NADK: variants seen among roughly 807,000 people sequenced by gnomAD.
NADK encodes poly(P)/ATP NAD kinase.
A neutral mutation model predicts 49.8 loss-of-function variants in NADK; 22 were observed. The ratio of observed to expected loss-of-function variants is 0.44; its 90% CI spans 0.32 to 0.63. The LOEUF (loss-of-function observed/expected upper bound fraction) is 0.63, where lower values mean the gene tolerates loss of function less well. Among genes scored for constraint, NADK ranks in the 30% least tolerant of loss-of-function variants. NADK has a pLI of 0.06. For missense variants in NADK, 438 were observed against 609.4 expected (o/e 0.72, Z 2.96); for synonymous variants, 268 against 253.7 (o/e 1.06, Z -0.54).
chr1:1,765,090 C>T (rs1283825090), intron 2 of NADK, 138 bp downstream of exon 2: 7 of 848,912 alleles, frequency 8.2e-6, no homozygotes, highest in Non-Finnish European at 1.2e-5. Context: ...GGCACAGCTT[C>T]ACCTGGGCAA....
chr1:1,754,833 T>C lies in NADK; in HGVS notation c.689-135A>G. ...GACACACTTCTGTGCCTTTTTCTTTTTATTTTGAGATGGAGTCTCACTCTG... is the reference window on the plus strand; with the variant it reads ...GACACACTTCTGTGCCTTTTTCTTTCTATTTTGAGATGGAGTCTCACTCTG... On this transcript the variant is annotated intron_variant, in intron 7 of 11. Transcript: ENST00000341426. This position sits in a 1 kb window ranked among gnomAD's most constrained non-coding sequence, Gnocchi z 4.3. 1 of 839,714 alleles carries C rather than the reference T, an allele frequency of 1.2e-6. No homozygotes were observed. The highest frequency in any genetic ancestry group is 1.8e-6 in the Non-Finnish European group (1 of 553,064). 52.0% of individuals were successfully genotyped at this position (839,714 alleles called of 1,614,324 possible).
In NADK at chr1:1,754,070, G is replaced by C; in HGVS notation, c.1082C>G (p.Pro361Arg). 6.3e-7 allele frequency: 1 copy of C among 1,596,768 alleles called. No homozygotes were observed. The highest frequency in any genetic ancestry group is 1.1e-5 in the South Asian group (1 of 90,322). The change falls in exon 10 of 12, where the codon CCC becomes CGC. Residue 361 changes from proline (P) to arginine (R), a missense_variant. Coordinates refer to ENST00000341426, the MANE Select transcript of NADK (RefSeq NM_023018.5). This position sits in a 1 kb window ranked among gnomAD's most constrained non-coding sequence, Gnocchi z 4.3. ...TCTGACCTTCAGCTCGACCCCTGCG[G>C]GGACCACGATGGGCCGGAAGGACAG... ...HSLSFRPIVV[P>R]AGVELKIMLS... is the part of the protein sequence containing the mutation.
In NADK at chr1:1,757,271, G is replaced by A; in HGVS notation, c.303C>T (p.Asn101=). Residue 101 remains asparagine (N), a synonymous_variant, in exon 4 of 12, where the codon AAC becomes AAT. Coordinates refer to ENST00000341426, the MANE Select transcript of NADK (RefSeq NM_023018.5). The part of the protein sequence containing the change: ...QDPASQRLTW[N]KSPKSVLVIK... Reference sequence around the variant, plus strand: ...TGACAAGGACGCTCTTTGGGGACTTGTTCCACGTCAGCCGCTGGCTCGCGG... The same window carrying A: ...TGACAAGGACGCTCTTTGGGGACTTATTCCACGTCAGCCGCTGGCTCGCGG... The A allele has an allele frequency of 6.2e-7, 1 of 1,613,768 alleles. No individual in the cohort carries two copies. The highest frequency in any genetic ancestry group is 8.5e-7 in the Non-Finnish European group (1 of 1,179,976).
intron 1 of NADK, among the ~76,000 whole-genome samples, chr1:1,777,168 T>TA (rs1483131042): frequency 2.6e-5 from 4 of 152,186 alleles, no homozygotes; most frequent in African/African-American, 9.7e-5. Flanking sequence ...GTGGCACCTG[T>TA]GATTCCTCAA....
In NADK at chr1:1,757,935, T is replaced by C. The variant is rs536976500; in HGVS notation, c.264-625A>G. 9.8e-4 allele frequency among the ~76,000 whole-genome samples: 149 copies of C among 152,250 alleles called. 1 individual carries two copies. The Middle Eastern group carries it at 0.01, about 10-fold the overall frequency. ...CAGCCCTGACACAGCCACCCGCGCT[T>C]TGCTGGCTCTGACCCCGACCACTGT... On this transcript the variant is annotated intron_variant, in intron 3 of 11. Transcript: ENST00000341426.
intron 2 of NADK, among the ~76,000 whole-genome samples, chr1:1,764,134 C>T (rs1434715691): frequency 6.6e-6 from 1 of 152,194 alleles, no homozygotes; most frequent in Non-Finnish European, 1.5e-5. Flanking sequence ...TGTTTCTCCA[C>T]GGCTGCCACC....
At chr1:1,769,546 G>A (rs998859760) in intron 1 of NADK, among the ~76,000 whole-genome samples, 5 of 151,258 alleles carry the variant, frequency 3.3e-5, no homozygotes, top group Non-Finnish European at 5.9e-5. Context: ...GCGAGACTCC[G>A]TCTCAAAAAA....
upstream of NADK, chr1:1,778,503 C>T (rs1026863809): frequency 7.4e-5 from 11 of 149,502 alleles, no homozygotes; most frequent in African/African-American, 2.4e-4. This position sits in a 1 kb window ranked among gnomAD's most constrained non-coding sequence, Gnocchi z 4.9. Context: ...TGCGCGCTGC[C>T]GCGCACGTGG....
chr1:1,759,248 A>G, intron 3 of NADK: 2 of 1,564,596 alleles, frequency 1.3e-6, no homozygotes, highest in Non-Finnish European at 1.7e-6. Flanking sequence ...GGTCACCTGC[A>G]AAGCAGGACA....
At chr1:1,761,149 T>C (rs1474214387) in intron 3 of NADK, among the ~76,000 whole-genome samples, 1 of 152,180 alleles carries the variant, frequency 6.6e-6, no homozygotes, top group Non-Finnish European at 1.5e-5. Context: ...CGCGCCACCA[T>C]GCTTGGCTAA....
chr1:1,760,492 C>G (rs1242761060), intron 3 of NADK, among the ~76,000 whole-genome samples: 1 of 152,232 alleles, frequency 6.6e-6, no homozygotes, highest in East Asian at 1.9e-4. Context: ...CTGCTGTGCG[C>G]CCCCAGCCTC....
At position 1,756,591 on chromosome 1, in the gene NADK, A is replaced by G; in HGVS notation, c.411T>C (p.Tyr137=). The stretch of plus-strand genomic sequence containing the variant: ...GGTCTTCTAGCACTTTCTTTTCCAC[A>G]TACACGATCATGTTCTCCTGGAAGC... ...THLMEENMIV[Y]VEKKVLEDPA... is the part of the protein sequence containing the mutation. Residue 137 remains tyrosine, a synonymous_variant, in exon 5 of 12, where the codon TAT becomes TAC. Coordinates refer to ENST00000341426, the MANE Select transcript of NADK (RefSeq NM_023018.5). 6.2e-7 allele frequency: 1 copy of G among 1,614,086 alleles called. No homozygotes were observed. The highest frequency in any genetic ancestry group is 8.5e-7 in the Non-Finnish European group (1 of 1,180,028).
intron 2 of NADK, among the ~76,000 whole-genome samples, chr1:1,764,896 G>A (rs1433179464): frequency 1.3e-5 from 2 of 152,142 alleles, no homozygotes; most frequent in Non-Finnish European, 2.9e-5. Flanking sequence ...GCGAGACTCA[G>A]TCTCAAAAAA....
intron 1 of NADK, among the ~76,000 whole-genome samples, chr1:1,768,152 C>T (rs766334054): frequency 7.3e-6 from 1 of 137,756 alleles, no homozygotes; most frequent in Non-Finnish European, 1.5e-5. Context: ...GCCTGGGCCA[C>T]AAGAGCAAAA....
intron 3 of NADK, chr1:1,758,285 AAC>A: frequency 6.7e-7 from 1 of 1,503,460 alleles, no homozygotes; most frequent in Non-Finnish European, 9.0e-7. Flanking sequence ...CCAGAACCAC[AAC>A]ACAGACGCCG....
Position 1,759,089 on chromosome 1 carries a change from G to A in NADK, c.264-1779C>T, listed in dbSNP as rs774183913. 4 of 1,522,190 alleles carry A rather than the reference G, an allele frequency of 2.6e-6. No individual in the cohort carries two copies. The South Asian group carries it at 4.9e-5, about 19-fold the overall frequency. 94.3% of individuals were successfully genotyped at this position (1,522,190 alleles called of 1,614,324 possible). A position where few individuals can be genotyped will look rare whatever the true frequency, so the allele number is the denominator to read the frequency against. On this transcript the variant is annotated intron_variant, in intron 3 of 11. Coordinates refer to ENST00000341426, the MANE Select transcript of NADK (RefSeq NM_023018.5). ...GCTCCCCCTGCTCTCCCCGCCAACA[G>A]TCACCACTGACCCAGTGGCCTGGCC...
chr1:1,761,722 C>T (rs777066220), intron 3 of NADK: 4 of 449,944 alleles, frequency 8.9e-6, no homozygotes, highest in African/African-American at 3.9e-5. Flanking sequence ...AGCCCCCGCT[C>T]GGATGCCTGC....
intron 2 of NADK, among the ~76,000 whole-genome samples, chr1:1,763,217 A>G (rs906828508): frequency 2.0e-5 from 3 of 152,110 alleles, no homozygotes; most frequent in Admixed American, 1.3e-4. Flanking sequence ...GGGTGCAGTG[A>G]CTCACGCCTG....
Sources: gnomAD v4.1 joint callset for allele counts (sites outside exome capture counted in the v4.1 genomes callset) on GRCh38, gnomAD v4.1.1 for gene constraint, Gnocchi (gnomAD v3.1) non-coding constraint, MANE v1.5 for transcripts, NCBI Gene and HGNC (gene_info 2026-07-23, HGNC 2026-07-21) for gene names.